FLT4: variants seen among roughly 807,000 people sequenced by gnomAD.
The protein encoded by FLT4 is fms related receptor tyrosine kinase 4.
Under a neutral mutation model 163.2 loss-of-function variants are expected in FLT4, and 30 were observed. The ratio of observed to expected loss-of-function variants is 0.18; its 90% confidence interval spans 0.14 to 0.25. The LOEUF is 0.25. Ranked by LOEUF, FLT4 falls within the 10% of genes least tolerant of loss-of-function variation. The pLI is 1.00. For missense variants in FLT4, 1,510 were observed against 1,863.8 expected (o/e 0.81, Z 3.50); for synonymous variants, 884 against 789.5 (o/e 1.12, Z -2.01).
intron 22 of FLT4, 139 bp downstream of exon 22, chr5:180,616,759 CAG>C (rs1238685446): frequency 1.6e-5 from 14 of 857,464 alleles, no homozygotes; most frequent in South Asian, 1.1e-4. Flanking sequence ...ATGCTTTGGG[CAG>C]AGTTTCCTCC....
intron 8 of FLT4, among the ~76,000 whole-genome samples, chr5:180,627,019 G>A (rs993858976): frequency 6.6e-6 from 1 of 152,234 alleles, no homozygotes; most frequent in African/African-American, 2.4e-5. Context: ...GGGCAGTGCT[G>A]CCTCCTGCAG....
chr5:180,606,298 C>T (rs1228147021), intron 29 of FLT4, among the ~76,000 whole-genome samples: 3 of 152,238 alleles, frequency 2.0e-5, no homozygotes, highest in African/African-American at 2.4e-5. Context: ...CCTTCTGGCT[C>T]GCCGCCCTTT....
At chr5:180,641,669 C>T (rs1765116998) in intron 1 of FLT4, among the ~76,000 whole-genome samples, 1 of 152,208 alleles carries the variant, frequency 6.6e-6, no homozygotes, top group African/African-American at 2.4e-5. Flanking sequence ...TGTCTGGTGG[C>T]CCCTGCTAAC....
intron 1 of FLT4, among the ~76,000 whole-genome samples, chr5:180,645,039 C>T (rs1295928685): frequency 6.6e-6 from 1 of 152,124 alleles, no homozygotes; most frequent in Non-Finnish European, 1.5e-5. Flanking sequence ...TGGGTGGAGG[C>T]TGGGTGGACG....
rs1400281005 is a variant in FLT4 at position 180,618,854 on chromosome 5, G to A, written c.2917C>T (p.Arg973Trp). Residue 973 changes from arginine to tryptophan, a missense_variant, in exon 21 of 30, where the codon CGG becomes TGG. Arg to Trp is a moderately radical substitution (Grantham distance 101, BLOSUM62 -3). This residue lies in a region of FLT4 where 878 missense variants were observed against 1,016.7 expected (regional missense o/e 0.86). Transcript: ENST00000261937. Reference sequence around the variant, plus strand: ...AGGACCCTGTCGCTGCTCCCCGGCCGCCTCCGATCCAGCCTGGCGAGCTCC... The same window carrying A: ...AGGACCCTGTCGCTGCTCCCCGGCCACCTCCGATCCAGCCTGGCGAGCTCC... ...MVELARLDRRRPGSSDRVLFA... is the reference protein window; with the variant it reads ...MVELARLDRRWPGSSDRVLFA... 2 of 1,580,902 alleles carry A rather than the reference G, an allele frequency of 1.3e-6. No homozygotes were observed. The highest frequency in any genetic ancestry group is 8.6e-7 in the Non-Finnish European group (1 of 1,164,256).
chr5:180,622,698 C>T (rs770676321), intron 12 of FLT4, 33 bp downstream of exon 12: 1 of 1,386,962 alleles, frequency 7.2e-7, no homozygotes, highest in Non-Finnish European at 1.0e-6. Context: ...TGACCCTGTA[C>T]CCAGGCCTCC....
intron 1 of FLT4, among the ~76,000 whole-genome samples, chr5:180,632,315 C>G (rs888079211): frequency 6.6e-6 from 1 of 152,222 alleles, no homozygotes; most frequent in African/African-American, 2.4e-5. Context: ...GGCCTCGCCC[C>G]TTCCCAGGCC....
At chr5:180,613,971 C>T in intron 24 of FLT4, 97 bp downstream of exon 24, 2 of 869,594 alleles carry the variant, frequency 2.3e-6, no homozygotes, top group Admixed American at 1.8e-5. Flanking sequence ...GCACACACCT[C>T]CAGGTGCCCA....
chr5:180,616,819 T>G (rs1254984625), intron 22 of FLT4, 81 bp downstream of exon 22: 1 of 1,075,316 alleles, frequency 9.3e-7, no homozygotes, highest in Non-Finnish European at 1.5e-6. Context: ...CATTGCAGGG[T>G]GAGGCCAGTA....
At chr5:180,625,350 G>A (rs1763520336) in intron 10 of FLT4, among the ~76,000 whole-genome samples, 1 of 152,182 alleles carries the variant, frequency 6.6e-6, no homozygotes. Flanking sequence ...TTACAGCTGT[G>A]CCCCTGGGAA....
At position 180,616,990 on chromosome 5, in the gene FLT4, C is replaced by T; in HGVS notation, c.3006G>A (p.Glu1002=). The change falls in exon 22 of 30, where the codon GAG becomes GAA. Residue 1002 remains glutamate, a synonymous_variant. Transcript: ENST00000261937. ...TGGTCAGCGGGCTCAGCCACAGGTC[C>T]TCAGCTACACAGTGGAGCCAGGTGG... ...ARRASPDQEA[E]DLWLSPLTME... is the part of the protein sequence containing the mutation. 1 of 1,612,854 alleles carries T rather than the reference C, an allele frequency of 6.2e-7. No homozygotes were observed. The highest frequency in any genetic ancestry group is 8.5e-7 in the Non-Finnish European group (1 of 1,179,726).
chr5:180,626,634 TGCCCA>T (rs1159134354), intron 8 of FLT4, among the ~76,000 whole-genome samples: 1 of 152,194 alleles, frequency 6.6e-6, no homozygotes, highest in Non-Finnish European at 1.5e-5. Flanking sequence ...CAGCCAGGCT[TGCCCA>T]GCCCAGCCCA....
At chr5:180,637,269 G>A (rs1429587243) in intron 1 of FLT4, among the ~76,000 whole-genome samples, 1 of 151,112 alleles carries the variant, frequency 6.6e-6, no homozygotes, top group Non-Finnish European at 1.5e-5. Flanking sequence ...GGCAGAGGTT[G>A]CAGTGAGCTG....
rs951856041 is a variant in FLT4, at chr5:180,636,981, C to T, written c.59-5203G>A. Reference sequence around the variant, plus strand: ...AAGGCCCCCACAGGAGCTCCTCCCCCCCATTTTCCTGGGTGCACACAGTTC... The same window carrying T: ...AAGGCCCCCACAGGAGCTCCTCCCCTCCATTTTCCTGGGTGCACACAGTTC... On this transcript the variant is annotated intron_variant, in intron 1 of 29. Coordinates refer to ENST00000261937, the MANE Select transcript of FLT4 (RefSeq NM_182925.5). This position sits in a 1 kb window ranked among gnomAD's most constrained non-coding sequence, Gnocchi z 4.3. 1.3e-5 allele frequency among the ~76,000 whole-genome samples: 2 copies of T among 152,108 alleles called. No individual in the cohort carries two copies. Among genetic ancestry groups the T allele is most frequent in the South Asian group, 2.1e-4 (1 of 4,830 alleles).
At chr5:180,608,162 T>C (rs1378338162) in intron 29 of FLT4, 1 of 700,206 alleles carries the variant, frequency 1.4e-6, no homozygotes, top group East Asian at 2.7e-5. Context: ...TGGTTCCTCT[T>C]TGAAGTTTGT....
rs1423465117 is a variant in FLT4 at position 180,623,400 on chromosome 5, G to T, written c.1548+535C>A. 6.6e-6 allele frequency among the ~76,000 whole-genome samples: 1 copy of T among 152,114 alleles called. No individual in the cohort carries two copies. Among genetic ancestry groups the T allele is most frequent in the South Asian group, 2.1e-4 (1 of 4,820 alleles). On this transcript the variant is annotated intron_variant, in intron 11 of 29. Transcript: ENST00000261937. The surrounding 1 kb of genome is among the most constrained non-coding windows in gnomAD (Gnocchi z 5.8). Reference sequence around the variant, plus strand: ...GAAGCCTGAGACACAGGGGAGGAGAGAGGGCCACAGGCCCTGCCTACCATC... The same window carrying T: ...GAAGCCTGAGACACAGGGGAGGAGATAGGGCCACAGGCCCTGCCTACCATC...
Position 180,609,947 on chromosome 5 carries a change from A to C in FLT4, c.3765T>G (p.Phe1255Leu), listed in dbSNP as rs1762042830. The C allele has an allele frequency of 6.2e-7, 1 of 1,614,072 alleles. No individual in the cohort carries two copies. The highest frequency in any genetic ancestry group is 8.5e-7 in the Non-Finnish European group (1 of 1,179,952). Residue 1255 changes from phenylalanine (F) to leucine (L), a missense_variant, in exon 28 of 30, where the codon TTT becomes TTG. Physicochemically the swap from Phe to Leu is conservative, Grantham distance 22. Transcript: ENST00000261937. ...ETRGSSRMKTFEEFPMTPTTY... is the reference protein window; with the variant it reads ...ETRGSSRMKTLEEFPMTPTTY... The stretch of plus-strand genomic sequence containing the variant: ...TCGTTGGGGTCATGGGGAATTCCTC[A>C]AATGTCTTCATCCTGGAGGAACCAC...
In FLT4 at chr5:180,603,864, A is replaced by C. The variant is rs200042541; in HGVS notation, c.3894-474T>G. Among the ~76,000 whole-genome samples, 3 of 151,390 alleles carry C rather than the reference A, an allele frequency of 2.0e-5. No individual in the cohort carries two copies. The East Asian group carries it at 5.8e-4, about 29-fold the overall frequency. ...GCTTGCAGTGAGCTGAGATCGCACC[A>C]CTGCACTCCAGCCTGGGCGACAGAG... is the stretch of plus-strand genomic sequence containing the variant. On this transcript the variant is annotated intron_variant, in intron 29 of 29. Transcript: ENST00000261937.
intron 1 of FLT4, among the ~76,000 whole-genome samples, chr5:180,641,044 C>G (rs1027364978): frequency 2.6e-5 from 4 of 152,188 alleles, no homozygotes; most frequent in African/African-American, 9.6e-5. Context: ...CGCAGCCCTG[C>G]CCTCGCCTTG....
Sources: gnomAD v4.1 joint callset for allele counts (sites outside exome capture counted in the v4.1 genomes callset) on GRCh38, gnomAD v4.1.1 for gene constraint, gnomAD v4.1.1 regional missense constraint, Gnocchi (gnomAD v3.1) non-coding constraint, MANE v1.5 for transcripts, NCBI Gene and HGNC (gene_info 2026-07-23, HGNC 2026-07-21) for gene names.